Variants in N4BP2 observed in about 807,000 individuals in gnomAD.
N4BP2 encodes the protein NEDD4-binding protein 2.
In N4BP2, 91 loss-of-function variants were observed where a neutral mutation model predicts 152.8. That is an observed-to-expected ratio of 0.60 (90% CI 0.50 to 0.71). The LOEUF (loss-of-function observed/expected upper bound fraction) is 0.71. Among genes scored for constraint, N4BP2 ranks in the 30% least tolerant of loss-of-function variants. The pLI is 0.00. For synonymous variants in N4BP2, 646 were observed against 705.3 expected (o/e 0.92, Z 1.33); for missense variants, 1,923 against 2,059.1 (o/e 0.93, Z 1.28).
rs1712419900 is a variant in N4BP2, at chr4:40,073,542, TAGAC to T, written c.-117_-115+1del. The T allele has an allele frequency of 6.6e-6, 1 of 151,896 alleles. No individual in the cohort carries two copies. Among genetic ancestry groups the T allele is most frequent in the African/African-American group, 2.4e-5 (1 of 41,398 alleles). 9.4% of individuals were successfully genotyped at this position (151,896 alleles called of 1,614,324 possible). A position where few individuals can be genotyped will look rare whatever the true frequency, so the allele number is the denominator to read the frequency against. ...ATGAGCATGTTGACAGCATCGATGC[TAGAC>T]AGACAGTAAGTGTTATTAAAGTTGT... On this transcript the variant is annotated 5_prime_UTR_variant, in exon 2 of 18. The change abolishes the stop of an existing upstream ORF in the 5' untranslated region. Coordinates refer to ENST00000261435, the MANE Select transcript of N4BP2 (RefSeq NM_018177.6).
At chr4:40,162,808 A>T (rs181593900), downstream of N4BP2, among the ~76,000 whole-genome samples, 300 of 152,322 alleles carry the variant, frequency 2.0e-3, no homozygotes, top group African/African-American at 6.8e-3. Flanking sequence ...AGAAGTTCAC[A>T]CCAGGCCATC....
intron 15 of N4BP2, among the ~76,000 whole-genome samples, chr4:40,144,300 C>G (rs947672644): frequency 1.6e-4 from 24 of 152,134 alleles, no homozygotes; most frequent in Non-Finnish European, 2.1e-4. Context: ...GCTTCACCAG[C>G]CATCTAGGTA....
Position 40,120,270 on chromosome 4 carries a change from T to A in N4BP2, c.2159T>A (p.Met720Lys). The change falls in exon 9 of 18, where the codon ATG becomes AAG. Residue 720 changes from methionine to lysine, a missense_variant. By Grantham distance (95) the Met-to-Lys change is moderately conservative. Transcript: ENST00000261435. ...AGTAAAACTGACACAGATAGTTCTA[T>A]GGAGAGAGTATCACCTAGTACTTGC... ...GYSKTDTDSS[M>K]ERVSPSTCCS... 1 of 1,613,858 alleles carries A rather than the reference T, an allele frequency of 6.2e-7. No individual in the cohort carries two copies. Among genetic ancestry groups the A allele is most frequent in the Non-Finnish European group, 8.5e-7 (1 of 1,179,926 alleles).
At chr4:40,133,417 C>T (rs1444609264) in intron 13 of N4BP2, among the ~76,000 whole-genome samples, 1 of 152,098 alleles carries the variant, frequency 6.6e-6, no homozygotes, top group Non-Finnish European at 1.5e-5. Flanking sequence ...CTCACTGCAG[C>T]CTCCGCCTCC....
At chr4:40,118,378 G>A (rs951433078) in intron 8 of N4BP2, among the ~76,000 whole-genome samples, 3 of 152,166 alleles carry the variant, frequency 2.0e-5, no homozygotes, top group Admixed American at 6.6e-5. Context: ...GTTGCGGTGA[G>A]CCGAGATTGC....
intron 2 of N4BP2, among the ~76,000 whole-genome samples, chr4:40,092,464 A>G (rs923199203): frequency 2.6e-5 from 4 of 151,904 alleles, no homozygotes; most frequent in Non-Finnish European, 5.9e-5. Flanking sequence ...TGATATCTGC[A>G]AGGTCTATAG....
At chr4:40,175,703 G>C in the N4BP2 span, among the ~76,000 whole-genome samples, 1 of 151,172 alleles carries the variant, frequency 6.6e-6, no homozygotes, top group African/African-American at 2.4e-5. Context: ...AGCCACTCGG[G>C]AGGCTGAGGC....
rs772172669 is a variant in N4BP2 at position 40,117,966 on chromosome 4, C to T, written c.1762C>T (p.Pro588Ser). 27 of 1,612,270 alleles carry T rather than the reference C, an allele frequency of 1.7e-5. No individual in the cohort carries two copies. The highest frequency in any genetic ancestry group is 2.1e-5 in the Non-Finnish European group (25 of 1,179,080). Reference sequence around the variant, plus strand: ...GCCAATAATTATGAGTTCTTCGGTTCCAGAGAAAATTGAACGTATTGAGTT... The same window carrying T: ...GCCAATAATTATGAGTTCTTCGGTTTCAGAGAAAATTGAACGTATTGAGTT... ...SVPIIMSSSV[P>S]EKIERIELCA... The change falls in exon 8 of 18, where the codon CCA becomes TCA. Residue 588 changes from proline to serine, a missense_variant. Physicochemically the swap from Pro to Ser is moderately conservative, Grantham distance 74. Transcript: ENST00000261435.
At chr4:40,108,446 G>A (rs1324766843) in intron 5 of N4BP2, among the ~76,000 whole-genome samples, 1 of 151,906 alleles carries the variant, frequency 6.6e-6, no homozygotes, top group African/African-American at 2.4e-5. Context: ...CCCCTGAGTA[G>A]CTGGGATTAC....
At position 40,157,126 on chromosome 4, in the gene N4BP2, A is replaced by T. The variant is rs955982269; in HGVS notation, c.*2889A>T. ...AATGTGGAAACCCCAGAGGGTGTCC[A>T]GTTGGACCAGGGAGATATTAGACAC... On this transcript the variant is annotated 3_prime_UTR_variant, in exon 18 of 18. Transcript: ENST00000261435. The T allele has an allele frequency of 3.3e-5, 5 of 152,270 alleles. No individual in the cohort carries two copies. Among genetic ancestry groups the T allele is most frequent in the African/African-American group, 1.2e-4 (5 of 41,590 alleles). The allele number at this position is 152,270 out of a possible 1,614,324, so 9.4% of individuals were successfully genotyped here. A position where few individuals can be genotyped will look rare whatever the true frequency, so the allele number is the denominator to read the frequency against.
intron 2 of N4BP2, among the ~76,000 whole-genome samples, chr4:40,081,729 AT>A (rs1713389065): frequency 6.6e-6 from 1 of 152,152 alleles, no homozygotes; most frequent in African/African-American, 2.4e-5. Context: ...TAATCCCAGC[AT>A]TTTGGGAGGC....
Position 40,102,855 on chromosome 4 carries a change from A to AGG in N4BP2, c.1013_1014dup (p.Lys339GlyfsTer4). 1.2e-6 allele frequency: 2 copies of AGG among 1,614,174 alleles called. No individual in the cohort carries two copies. The highest frequency in any genetic ancestry group is 1.7e-6 in the Non-Finnish European group (2 of 1,180,034). On this transcript the variant is annotated frameshift_variant, in exon 4 of 18. Coordinates refer to ENST00000261435, the MANE Select transcript of N4BP2 (RefSeq NM_018177.6). LOFTEE classifies it high-confidence loss of function. ...CACAAACATCCTGAACTGCCAACTA[A>AGG]GGGGAAGGATGTGAGTTACTGCCCG...
intron 14 of N4BP2, 129 bp downstream of exon 14, chr4:40,137,211 A>G (rs781634282): frequency 1.8e-4 from 134 of 744,194 alleles, no homozygotes; most frequent in Non-Finnish European, 2.5e-4. Context: ...TTAACCACCA[A>G]TGGCATATTT....
rs556730784 is a variant in N4BP2 at position 40,106,420 on chromosome 4, G to A, written c.1374-480G>A. 3.3e-5 allele frequency among the ~76,000 whole-genome samples: 5 copies of A among 152,204 alleles called. No individual in the cohort carries two copies. In the South Asian group the frequency reaches 1.0e-3, roughly 32 times the overall value. On this transcript the variant is annotated intron_variant, in intron 4 of 17. Coordinates refer to ENST00000261435, the MANE Select transcript of N4BP2 (RefSeq NM_018177.6). ...TAACCTAAACCCCCTGGGTTCAAGT[G>A]ATCCTCTCAACTTAGCTTCCCAAGC...
Position 40,149,241 on chromosome 4 carries a change from A to G in N4BP2, c.5144-3539A>G, listed in dbSNP as rs530725687. ...TGAATAGAGAAACAAAATGTGGTAA[A>G]TCTATACAATGAAATTTAATTTAGC... On this transcript the variant is annotated intron_variant, in intron 16 of 17. Coordinates refer to ENST00000261435, the MANE Select transcript of N4BP2 (RefSeq NM_018177.6). 2.0e-5 allele frequency among the ~76,000 whole-genome samples: 3 copies of G among 152,386 alleles called. No individual in the cohort carries two copies. The East Asian group carries it at 5.8e-4, about 29-fold the overall frequency.
chr4:40,076,241 T>C (rs1476026307), intron 2 of N4BP2, among the ~76,000 whole-genome samples: 1 of 152,158 alleles, frequency 6.6e-6, no homozygotes, highest in East Asian at 1.9e-4. Flanking sequence ...TTAGAGACAC[T>C]GAGGCAGGAG....
chr4:40,066,065 G>A (rs1052935892), intron 1 of N4BP2, among the ~76,000 whole-genome samples: 2 of 151,774 alleles, frequency 1.3e-5, no homozygotes, highest in Non-Finnish European at 2.9e-5. Context: ...TGAGTAGCTG[G>A]GACTACAGGC....
chr4:40,061,671 A>AT (rs1360115396), intron 1 of N4BP2, among the ~76,000 whole-genome samples: 21 of 112,370 alleles, frequency 1.9e-4, no homozygotes, highest in South Asian at 8.4e-4. Flanking sequence ...GGCGTATTTT[A>AT]TTTTTTTTTT....
At chr4:40,063,064 G>T (rs1325594901) in intron 1 of N4BP2, among the ~76,000 whole-genome samples, 1 of 152,178 alleles carries the variant, frequency 6.6e-6, no homozygotes, top group Admixed American at 6.6e-5. Flanking sequence ...CATTATATTT[G>T]ATAGATGAAA....
Sources: allele counts gnomAD v4.1 joint callset (sites outside exome capture counted in the v4.1 genomes callset), GRCh38; gene constraint gnomAD v4.1.1; transcripts MANE v1.5; gene names NCBI Gene and HGNC (gene_info 2026-07-23, HGNC 2026-07-21).